Variants in SYT1 observed in about 807,000 individuals in gnomAD.
SYT1 encodes the protein synaptotagmin-1.
In SYT1, 8 loss-of-function variants were observed where a neutral mutation model predicts 44.8. The ratio of observed to expected loss-of-function variants is 0.18; its 90% CI spans 0.10 to 0.32. The LOEUF (loss-of-function observed/expected upper bound fraction) is 0.32, where lower values mean the gene tolerates loss of function less well. SYT1 is among the 10% of genes least tolerant of loss of function. The pLI is 1.00. For missense variants in SYT1, 286 were observed against 509.3 expected, an observed-to-expected ratio of 0.56 and a Z score of 4.22; for synonymous variants, 154 against 188.8, an observed-to-expected ratio of 0.82 and a Z score of 1.51.
intron 2 of SYT1, among the ~76,000 whole-genome samples, chr12:78,978,626 G>A (rs1444055792): frequency 1.3e-5 from 2 of 152,024 alleles, no homozygotes; most frequent in Admixed American, 6.6e-5. Context: ...ACTTTTATTA[G>A]GCATACACAC....
intron 3 of SYT1, among the ~76,000 whole-genome samples, chr12:79,118,563 G>C (rs548801456): frequency 6.6e-6 from 1 of 152,232 alleles, no homozygotes; most frequent in African/African-American, 2.4e-5. Context: ...ATTTAATAAA[G>C]CAAACAGCAC....
At position 79,291,882 on chromosome 12, in the gene SYT1, GACAA is replaced by G. The variant is rs760506978; in HGVS notation, c.352-122_352-119del. ...AAGCAGCAAATGTGAATGTGTGTCA[GACAA>G]ACAGATTTCCAGCATCTTAGTGCTT... On this transcript the variant is annotated intron_variant, in intron 5 of 10. Coordinates refer to ENST00000261205, the MANE Select transcript of SYT1 (RefSeq NM_005639.3). 14 of 1,168,230 alleles carry G rather than the reference GACAA, an allele frequency of 1.2e-5. No homozygotes were observed. The Admixed American group carries it at 1.9e-4, about 16-fold the overall frequency. The allele number at this position is 1,168,230 out of a possible 1,614,324, so 72.4% of individuals were successfully genotyped here.
intron 4 of SYT1, among the ~76,000 whole-genome samples, chr12:79,269,725 G>A (rs964006419): frequency 2.0e-5 from 3 of 151,518 alleles, no homozygotes; most frequent in African/African-American, 4.8e-5. Context: ...ATGCACACAC[G>A]GATATATGCA....
intron 3 of SYT1, among the ~76,000 whole-genome samples, chr12:79,211,183 T>C (rs947921125): frequency 2.6e-5 from 4 of 152,262 alleles, no homozygotes; most frequent in African/African-American, 9.6e-5. Flanking sequence ...CTGGACACTT[T>C]ATATACTGTC....
intron 3 of SYT1, among the ~76,000 whole-genome samples, chr12:79,115,908 G>T (rs1340593930): frequency 6.6e-6 from 1 of 152,084 alleles, no homozygotes; most frequent in Non-Finnish European, 1.5e-5. Flanking sequence ...AATCAAATAT[G>T]CAGTAAGTTC....
intron 3 of SYT1, among the ~76,000 whole-genome samples, chr12:79,205,771 C>T (rs1209215171): frequency 2.0e-5 from 3 of 152,250 alleles, no homozygotes; most frequent in African/African-American, 4.8e-5. Flanking sequence ...TTTCACTTGG[C>T]TCATGGATTT....
At chr12:79,144,946 A>T (rs1162489151) in intron 3 of SYT1, among the ~76,000 whole-genome samples, 1 of 152,170 alleles carries the variant, frequency 6.6e-6, no homozygotes, top group African/African-American at 2.4e-5. Context: ...TCAGAGTCTG[A>T]CCTTGCCCTG....
chr12:78,984,590 T>C (rs1157128633), intron 2 of SYT1, among the ~76,000 whole-genome samples: 1 of 151,938 alleles, frequency 6.6e-6, no homozygotes, highest in Non-Finnish European at 1.5e-5. Context: ...AATTACAAAT[T>C]AGTTTAGATA....
intron 4 of SYT1, among the ~76,000 whole-genome samples, chr12:79,229,878 A>G (rs1248662484): frequency 6.6e-6 from 1 of 152,148 alleles, no homozygotes; most frequent in Non-Finnish European, 1.5e-5. Flanking sequence ...TACAGGCGTG[A>G]GCCACCACGC....
chr12:79,328,642 C>T (rs1035935698), intron 8 of SYT1, among the ~76,000 whole-genome samples: 13 of 151,984 alleles, frequency 8.6e-5, no homozygotes, highest in Non-Finnish European at 4.4e-5. Flanking sequence ...GTTAGGAGAT[C>T]GAGACCATCC....
intron 3 of SYT1, among the ~76,000 whole-genome samples, chr12:79,083,101 G>A (rs73353553): frequency 0.015 from 2,278 of 151,840 alleles, 58 homozygotes; most frequent in African/African-American, 0.05. Flanking sequence ...AAATAATCCA[G>A]AAGAAAAATA....
chr12:78,873,679 C>T (rs1318325948), intron 1 of SYT1, among the ~76,000 whole-genome samples: 1 of 151,674 alleles, frequency 6.6e-6, no homozygotes, highest in East Asian at 1.9e-4. Flanking sequence ...TTATTCTCCT[C>T]ATTGATATTC....
At chr12:79,230,056 A>C (rs928496944) in intron 4 of SYT1, among the ~76,000 whole-genome samples, 1 of 152,238 alleles carries the variant, frequency 6.6e-6, no homozygotes, top group African/African-American at 2.4e-5. Context: ...GTTTCACAGA[A>C]TGAAGAATTG....
At chr12:78,959,540 C>T (rs550977268) in intron 1 of SYT1, among the ~76,000 whole-genome samples, 9 of 152,208 alleles carry the variant, frequency 5.9e-5, no homozygotes, top group East Asian at 3.9e-4. Context: ...GCACTGCTAC[C>T]TTAAAATGTA....
intron 8 of SYT1, among the ~76,000 whole-genome samples, chr12:79,338,863 C>G (rs1209292711): frequency 6.6e-6 from 1 of 152,054 alleles, no homozygotes; most frequent in African/African-American, 2.4e-5. Context: ...GTTCCCCACC[C>G]TGTGTCCAAG....
intron 9 of SYT1, among the ~76,000 whole-genome samples, chr12:79,380,693 AG>A (rs1426981817): frequency 6.6e-6 from 1 of 152,210 alleles, no homozygotes; most frequent in African/African-American, 2.4e-5. Flanking sequence ...CAGCTAAACA[AG>A]TTCTTCCCTA....
chr12:79,000,060 C>A (rs1380981033), intron 2 of SYT1, among the ~76,000 whole-genome samples: 1 of 151,894 alleles, frequency 6.6e-6, no homozygotes, highest in East Asian at 1.9e-4. Flanking sequence ...TGGATTGGGG[C>A]GTGTTAGAAT....
At chr12:79,286,024 A>G in intron 5 of SYT1, 53 bp downstream of exon 5, 1 of 1,542,974 alleles carries the variant, frequency 6.5e-7, no homozygotes. Flanking sequence ...AGATAAACAA[A>G]TGTATTATTT....
At chr12:79,241,668 T>C (rs189162635) in intron 4 of SYT1, among the ~76,000 whole-genome samples, 4 of 152,208 alleles carry the variant, frequency 2.6e-5, no homozygotes, top group Non-Finnish European at 5.9e-5. Context: ...AGAAAAAAAA[T>C]GTATCTGCAT....
Sources: gnomAD v4.1 joint callset for allele counts (sites outside exome capture counted in the v4.1 genomes callset) on GRCh38, gnomAD v4.1.1 for gene constraint, MANE v1.5 for transcripts, NCBI Gene and HGNC (gene_info 2026-07-23, HGNC 2026-07-21) for gene names.